The following TRAPPC9 variants were observed in gnomAD, a reference collection of about 807,000 sequenced individuals.
TRAPPC9 encodes the protein IKK2 binding protein.
Under a neutral mutation model 124.0 loss-of-function variants are expected in TRAPPC9, and 83 were observed. The ratio of observed to expected loss-of-function variants is 0.67; its 90% CI spans 0.56 to 0.80. The LOEUF is 0.80. TRAPPC9 is among the 30% of genes least tolerant of loss of function. The probability of loss-of-function intolerance (pLI) is 0.00; values close to 1 mark genes in which losing one functional copy is unlikely to be tolerated. For synonymous variants in TRAPPC9, 638 were observed against 617.5 expected (o/e 1.03, Z -0.49); for missense variants, 1,302 against 1,508.3 (o/e 0.86, Z 2.27).
intron 17 of TRAPPC9, among the ~76,000 whole-genome samples, chr8:140,037,910 A>C (rs530669454): frequency 0.021 from 2,691 of 129,230 alleles, 126 homozygotes; most frequent in African/African-American, 0.066. Flanking sequence ...ACACACACAC[A>C]CCCCAGAGCT....
chr8:139,893,973 T>C (rs979908560), intron 20 of TRAPPC9, among the ~76,000 whole-genome samples: 2 of 152,160 alleles, frequency 1.3e-5, no homozygotes, highest in Non-Finnish European at 2.9e-5. Flanking sequence ...TGCTCCCAGA[T>C]AACTCCGACC....
chr8:139,893,234 T>C (rs1830457236), intron 20 of TRAPPC9, among the ~76,000 whole-genome samples: 1 of 152,202 alleles, frequency 6.6e-6, no homozygotes, highest in Non-Finnish European at 1.5e-5. Flanking sequence ...GTTTTCATAG[T>C]GGACTTGGAG....
intron 21 of TRAPPC9, among the ~76,000 whole-genome samples, chr8:139,735,858 G>A (rs1389497220): frequency 2.0e-5 from 3 of 152,174 alleles, no homozygotes; most frequent in Non-Finnish European, 4.4e-5. Flanking sequence ...AACACTGCTG[G>A]TGGAACCTTT....
chr8:140,431,028 AG>A (rs1243505471), intron 4 of TRAPPC9, among the ~76,000 whole-genome samples: 1 of 152,190 alleles, frequency 6.6e-6, no homozygotes, highest in Non-Finnish European at 1.5e-5. Context: ...TGAAGAAAAC[AG>A]GGGTGTTTTT....
chr8:139,834,843 C>T (rs1390471794), intron 21 of TRAPPC9, among the ~76,000 whole-genome samples: 5 of 152,186 alleles, frequency 3.3e-5, no homozygotes, highest in Admixed American at 6.5e-5. Context: ...GCTCAGAAAA[C>T]AAGTCATTTG....
At chr8:139,995,788 C>T (rs760953776) in intron 18 of TRAPPC9, among the ~76,000 whole-genome samples, 15 of 148,752 alleles carry the variant, frequency 1.0e-4, no homozygotes, top group East Asian at 2.0e-4. Context: ...CACCCACATG[C>T]GGCTGATCCA....
At chr8:140,438,470 T>A (rs916451636) in intron 3 of TRAPPC9, among the ~76,000 whole-genome samples, 3 of 151,982 alleles carry the variant, frequency 2.0e-5, no homozygotes, top group Non-Finnish European at 4.4e-5. Context: ...GGGAACGGCA[T>A]CCAAAGCAGA....
chr8:140,366,870 A>T (rs955922124), intron 8 of TRAPPC9, among the ~76,000 whole-genome samples: 3 of 152,246 alleles, frequency 2.0e-5, no homozygotes, highest in Non-Finnish European at 2.9e-5. Context: ...AAACTCTTAA[A>T]GTCAACAGCA....
At chr8:140,426,378 C>T (rs573427299) in intron 5 of TRAPPC9, among the ~76,000 whole-genome samples, 1 of 152,344 alleles carries the variant, frequency 6.6e-6, no homozygotes, top group Admixed American at 6.5e-5. Flanking sequence ...AAATCATTCA[C>T]TTAGCCATGC....
chr8:140,451,873 C>G (rs2071473608), intron 1 of TRAPPC9, among the ~76,000 whole-genome samples: 1 of 152,122 alleles, frequency 6.6e-6, no homozygotes, highest in Admixed American at 6.5e-5. Flanking sequence ...GTAATCCTAA[C>G]ACTTTGGAAG....
chr8:139,802,778 G>A (rs1312537577), intron 21 of TRAPPC9, among the ~76,000 whole-genome samples: 4 of 152,196 alleles, frequency 2.6e-5, no homozygotes, highest in Admixed American at 2.6e-4. Context: ...TCTGATTTGA[G>A]AATTGAAGCT....
intron 1 of TRAPPC9, among the ~76,000 whole-genome samples, chr8:140,454,589 G>C: frequency 7.5e-6 from 1 of 133,994 alleles, no homozygotes; most frequent in Admixed American, 8.3e-5. Context: ...GCAGTGAGCC[G>C]AGATCACGCC....
chr8:139,828,786 G>C (rs1478579035), intron 21 of TRAPPC9, among the ~76,000 whole-genome samples: 1 of 152,186 alleles, frequency 6.6e-6, no homozygotes, highest in African/African-American at 2.4e-5. Context: ...TATGCCAGCA[G>C]GCCCTCTGTC....
At chr8:140,351,981 AC>A (rs1298484076) in intron 9 of TRAPPC9, among the ~76,000 whole-genome samples, 1 of 152,192 alleles carries the variant, frequency 6.6e-6, no homozygotes, top group Non-Finnish European at 1.5e-5. Flanking sequence ...CTATTGGAAT[AC>A]CTTCACCGCC....
intron 18 of TRAPPC9, among the ~76,000 whole-genome samples, chr8:140,012,031 T>C (rs1839171230): frequency 6.6e-6 from 1 of 152,132 alleles, no homozygotes; most frequent in Non-Finnish European, 1.5e-5. Context: ...AGGATGATCT[T>C]GATCTCTTGA....
intron 16 of TRAPPC9, among the ~76,000 whole-genome samples, chr8:140,245,193 A>G (rs1193810154): frequency 6.6e-6 from 1 of 152,232 alleles, no homozygotes; most frequent in Non-Finnish European, 1.5e-5. Context: ...ATTATTATGA[A>G]GCAAACACCC....
At chr8:140,310,870 G>C (rs1333173428) in intron 10 of TRAPPC9, among the ~76,000 whole-genome samples, 3 of 152,058 alleles carry the variant, frequency 2.0e-5, no homozygotes, top group African/African-American at 4.8e-5. Context: ...GTTCCCGTGT[G>C]GCTGGGGTGC....
At chr8:140,261,115 A>G (rs1035382773) in intron 15 of TRAPPC9, among the ~76,000 whole-genome samples, 2 of 152,218 alleles carry the variant, frequency 1.3e-5, no homozygotes, top group African/African-American at 4.8e-5. Flanking sequence ...TGGAGACAGA[A>G]TGAGACAGCA....
At chr8:139,731,714 C>G (rs930550929) in intron 22 of TRAPPC9, among the ~76,000 whole-genome samples, 10 of 152,130 alleles carry the variant, frequency 6.6e-5, no homozygotes, top group Admixed American at 6.5e-4. Context: ...GCCCCCTGTC[C>G]TGGGCACAGC....
Sources: allele counts gnomAD v4.1 joint callset (sites outside exome capture counted in the v4.1 genomes callset), GRCh38; gene constraint gnomAD v4.1.1; transcripts MANE v1.5; gene names NCBI Gene and HGNC (gene_info 2026-07-23, HGNC 2026-07-21).